The following GALNT13 variants were observed in gnomAD, a reference collection of about 807,000 sequenced individuals.
The protein encoded by GALNT13 is UDP-GalNAc:polypeptide N-acetylgalactosaminyltransferase 13.
A neutral mutation model predicts 64.2 loss-of-function variants in GALNT13; 28 were observed. That is an observed-to-expected ratio of 0.44 (90% CI 0.32 to 0.60). The LOEUF (loss-of-function observed/expected upper bound fraction) is 0.60. Among genes scored for constraint, GALNT13 ranks in the 20% least tolerant of loss-of-function variants. The pLI is 0.05. For missense variants in GALNT13, 577 were observed against 669.8 expected, an observed-to-expected ratio of 0.86 and a Z score of 1.53; for synonymous variants, 214 against 224.6, an observed-to-expected ratio of 0.95 and a Z score of 0.42.
intron 2 of GALNT13, among the ~76,000 whole-genome samples, chr2:153,909,471 TG>T (rs748771477): frequency 2.6e-4 from 40 of 152,188 alleles, no homozygotes; most frequent in Admixed American, 9.2e-4. Flanking sequence ...TTCAATACTA[TG>T]TTTAATAGGA....
chr2:154,285,774 GT>G (rs1160947377), intron 8 of GALNT13, among the ~76,000 whole-genome samples: 1 of 151,922 alleles, frequency 6.6e-6, no homozygotes, highest in African/African-American at 2.4e-5. Context: ...ATTTTGATAG[GT>G]TTTGCATGGA....
intron 3 of GALNT13, among the ~76,000 whole-genome samples, chr2:154,010,909 G>T (rs67335822): frequency 0.25 from 38,350 of 151,032 alleles, 6,584 homozygotes; most frequent in East Asian, 0.74. Flanking sequence ...GGGTTTTTTT[G>T]TGTGTGTGTG....
chr2:153,900,735 G>A (rs1688181241), intron 1 of GALNT13, among the ~76,000 whole-genome samples: 1 of 152,044 alleles, frequency 6.6e-6, no homozygotes, highest in Admixed American at 6.6e-5. Flanking sequence ...CTCCTTGACT[G>A]ATGTTTTGGA....
intron 4 of GALNT13, among the ~76,000 whole-genome samples, chr2:154,155,496 T>C (rs1271276575): frequency 6.6e-6 from 1 of 152,076 alleles, no homozygotes; most frequent in African/African-American, 2.4e-5. Flanking sequence ...AGATGTTTTC[T>C]GTGCACATAC....
chr2:153,678,156 A>AATATATATATATATATATATATATATAT, the GALNT13 span, among the ~76,000 whole-genome samples: 21 of 145,634 alleles, frequency 1.4e-4, no homozygotes, highest in African/African-American at 5.0e-4. Context: ...CCGACAAATG[A>AATATATATATATATATATATATATATAT]ATATATATAT....
intron 3 of GALNT13, among the ~76,000 whole-genome samples, chr2:154,007,256 C>CAACTTGTTATTTG (rs1230490565): frequency 6.7e-6 from 1 of 149,062 alleles, no homozygotes; most frequent in Non-Finnish European, 1.5e-5. Context: ...GGACTTCATT[C>CAACTTGTTATTTG]CTACACCTGA....
intron 3 of GALNT13, among the ~76,000 whole-genome samples, chr2:153,955,030 G>A (rs1337370264): frequency 1.3e-5 from 2 of 152,018 alleles, no homozygotes; most frequent in East Asian, 3.9e-4. Flanking sequence ...AAAGTGAAAA[G>A]TACCTTTGCC....
At chr2:153,996,364 G>A (rs923233486) in intron 3 of GALNT13, among the ~76,000 whole-genome samples, 2 of 151,978 alleles carry the variant, frequency 1.3e-5, no homozygotes, top group African/African-American at 4.8e-5. Context: ...TTTGATAATA[G>A]CTATTCTAAC....
intron 4 of GALNT13, among the ~76,000 whole-genome samples, chr2:154,223,342 T>A (rs1156491747): frequency 3.3e-5 from 5 of 152,056 alleles, no homozygotes; most frequent in Non-Finnish European, 7.4e-5. Context: ...AGATACTGTA[T>A]CTATTTGGGA....
the GALNT13 span, among the ~76,000 whole-genome samples, chr2:153,363,582 T>C: frequency 6.6e-6 from 1 of 152,110 alleles, no homozygotes; most frequent in South Asian, 2.1e-4. Context: ...AAATAGACAC[T>C]ACCATCAGAG....
Position 153,931,076 on chromosome 2 carries a change from TG to T in GALNT13, c.-104-13317del. On this transcript the variant is annotated intron_variant, in intron 2 of 12. Transcript: ENST00000392825. ...ATTGCTGTATTCCTAAGTGTGTGTG[TG>T]TGTGTGTGTGTGTGTGTGTGTGTGT... Among the ~76,000 whole-genome samples the T allele has an allele frequency of 1.3e-5, 2 of 149,766 alleles. 1 individual carries two copies. The highest frequency in any genetic ancestry group is 4.2e-4 in the South Asian group (2 of 4,724).
the GALNT13 span, among the ~76,000 whole-genome samples, chr2:153,251,673 A>T: frequency 7.8e-6 from 1 of 128,690 alleles, no homozygotes; most frequent in East Asian, 2.5e-4. Context: ...TCCTGGGTCC[A>T]TGTGTTCTCA....
At chr2:153,529,334 C>T in the GALNT13 span, among the ~76,000 whole-genome samples, 1 of 151,958 alleles carries the variant, frequency 6.6e-6, no homozygotes, top group Admixed American at 6.6e-5. Context: ...AATTCCTACA[C>T]AGATATGACC....
chr2:153,179,563 T>A, the GALNT13 span, among the ~76,000 whole-genome samples: 20,989 of 152,168 alleles, frequency 0.14, 1,668 homozygotes, highest in Non-Finnish European at 0.17. Flanking sequence ...GAATTTTAGG[T>A]TTGTATTTTT....
chr2:154,298,363 T>A (rs1221194154), intron 8 of GALNT13, among the ~76,000 whole-genome samples: 1 of 133,202 alleles, frequency 7.5e-6, no homozygotes. Context: ...AATACATATA[T>A]AATATCACTA....
chr2:153,205,481 A>G, the GALNT13 span, among the ~76,000 whole-genome samples: 1 of 152,280 alleles, frequency 6.6e-6, no homozygotes, highest in African/African-American at 2.4e-5. Flanking sequence ...AAATTTGAAT[A>G]AAAGTTTTAA....
chr2:153,690,878 C>T, the GALNT13 span, among the ~76,000 whole-genome samples: 48 of 152,146 alleles, frequency 3.2e-4, no homozygotes, highest in African/African-American at 6.3e-4. Flanking sequence ...AACACCTGAA[C>T]GGTAGAATAA....
At chr2:153,869,017 A>G (rs188383426), upstream of GALNT13, among the ~76,000 whole-genome samples, 38 of 152,352 alleles carry the variant, frequency 2.5e-4, no homozygotes, top group East Asian at 6.9e-3. Context: ...CAAAATTACT[A>G]CAAAGAATTA....
At chr2:153,244,227 T>A in the GALNT13 span, among the ~76,000 whole-genome samples, 4 of 152,182 alleles carry the variant, frequency 2.6e-5, no homozygotes, top group Admixed American at 2.6e-4. Context: ...TCTATCATTT[T>A]GGAGTTCTCA....
Sources: allele counts gnomAD v4.1 joint callset (sites outside exome capture counted in the v4.1 genomes callset), GRCh38; gene constraint gnomAD v4.1.1; transcripts MANE v1.5; gene names NCBI Gene and HGNC (gene_info 2026-07-23, HGNC 2026-07-21).